IL1RAPL1: variants seen among roughly 807,000 people sequenced by gnomAD.
IL1RAPL1 encodes the protein interleukin 1 receptor accessory protein like 1.
A neutral mutation model predicts 48.4 loss-of-function variants in IL1RAPL1; 3 were observed. The ratio of observed to expected loss-of-function variants is 0.06; its 90% CI spans 0.03 to 0.16. The LOEUF (loss-of-function observed/expected upper bound fraction) is 0.16, where lower values mean the gene tolerates loss of function less well. Among genes scored for constraint, IL1RAPL1 ranks in the 10% least tolerant of loss-of-function variants. IL1RAPL1 has a pLI of 1.00. For synonymous variants in IL1RAPL1, 185 were observed against 187.7 expected, an observed-to-expected ratio of 0.99 and a Z score of 0.12; for missense variants, 349 against 530.6, an observed-to-expected ratio of 0.66 and a Z score of 3.36.
intron 6 of IL1RAPL1, among the ~76,000 whole-genome samples, chrX:29,784,383 T>G (rs940645379): frequency 9.0e-6 from 1 of 111,234 alleles, no homozygotes; most frequent in African/African-American, 3.3e-5. Context: ...TACCTCCCAT[T>G]AGGTGAGTTT....
At chrX:28,691,287 A>G (rs1295414961) in intron 1 of IL1RAPL1, among the ~76,000 whole-genome samples, 1 of 111,344 alleles carries the variant, frequency 9.0e-6, no homozygotes, top group Non-Finnish European at 1.9e-5. Flanking sequence ...TTAAATATAC[A>G]GTTACCATTG....
intron 6 of IL1RAPL1, among the ~76,000 whole-genome samples, chrX:29,843,569 A>G (rs1353830752): frequency 1.8e-5 from 2 of 111,370 alleles, no homozygotes; most frequent in Admixed American, 9.6e-5. Context: ...GTCAGTCCAA[A>G]ATCAGTTTTA....
At chrX:28,997,245 G>A (rs994512011) in intron 2 of IL1RAPL1, among the ~76,000 whole-genome samples, 2 of 111,737 alleles carry the variant, frequency 1.8e-5, no homozygotes, top group African/African-American at 6.5e-5. Flanking sequence ...TAATTTATTG[G>A]ATATGAACTT....
At chrX:29,606,292 G>A (rs6630918) in intron 5 of IL1RAPL1, among the ~76,000 whole-genome samples, 31,898 of 110,678 alleles carry the variant, frequency 0.29, 3,480 homozygotes, top group South Asian at 0.47. Flanking sequence ...GAAAAAAAAT[G>A]TTAAATATTC....
intron 2 of IL1RAPL1, among the ~76,000 whole-genome samples, chrX:29,082,881 T>A (rs1927873618): frequency 8.9e-6 from 1 of 112,100 alleles, no homozygotes; most frequent in Non-Finnish European, 1.9e-5. Flanking sequence ...TCATCACCAC[T>A]TATCTGAGGC....
At chrX:29,365,776 C>T (rs181696484) in intron 3 of IL1RAPL1, among the ~76,000 whole-genome samples, 23 of 110,262 alleles carry the variant, frequency 2.1e-4, no homozygotes, top group Admixed American at 8.7e-4. Context: ...CAGTTTCTCA[C>T]GCCTGTAATC....
intron 2 of IL1RAPL1, among the ~76,000 whole-genome samples, chrX:28,811,735 C>T (rs891299380): frequency 1.8e-5 from 2 of 111,248 alleles, no homozygotes; most frequent in African/African-American, 6.5e-5. Flanking sequence ...GGATGTCAGA[C>T]ATCTCACTGT....
At chrX:29,731,917 T>C (rs1350267592) in intron 6 of IL1RAPL1, among the ~76,000 whole-genome samples, 1 of 112,316 alleles carries the variant, frequency 8.9e-6, no homozygotes, top group Non-Finnish European at 1.9e-5. Flanking sequence ...AAGCAGGACA[T>C]AAATTCCTTT....
At chrX:29,361,157 T>C (rs1933370379) in intron 3 of IL1RAPL1, among the ~76,000 whole-genome samples, 1 of 111,950 alleles carries the variant, frequency 8.9e-6, no homozygotes, top group Admixed American at 9.6e-5. Context: ...TAGCTGGTGT[T>C]GACTGATGCA....
intron 9 of IL1RAPL1, among the ~76,000 whole-genome samples, chrX:29,949,318 A>G (rs951140326): frequency 8.9e-6 from 1 of 112,273 alleles, no homozygotes; most frequent in Admixed American, 9.5e-5. Context: ...CAAAGCTTTT[A>G]GTTAATTCAA....
chrX:28,787,039 A>C (rs1165729706), intron 1 of IL1RAPL1, among the ~76,000 whole-genome samples: 1 of 112,066 alleles, frequency 8.9e-6, no homozygotes, highest in Non-Finnish European at 1.9e-5. Context: ...AATTCTATGG[A>C]TTTCTTTTTG....
intron 9 of IL1RAPL1, among the ~76,000 whole-genome samples, chrX:29,953,327 C>T (rs991909170): frequency 7.2e-5 from 8 of 110,845 alleles, no homozygotes; most frequent in Admixed American, 1.9e-4. Context: ...ATATCTTAGT[C>T]GAAAAAGGAA....
chrX:29,550,565 T>TA (rs1450706884), intron 5 of IL1RAPL1, among the ~76,000 whole-genome samples: 18 of 111,979 alleles, frequency 1.6e-4, no homozygotes, highest in Non-Finnish European at 1.3e-4. Flanking sequence ...TATTCCCAAT[T>TA]AAAAAAATTA....
At chrX:28,674,097 G>C (rs991266583) in intron 1 of IL1RAPL1, among the ~76,000 whole-genome samples, 1 of 111,867 alleles carries the variant, frequency 8.9e-6, no homozygotes, top group Non-Finnish European at 1.9e-5. Flanking sequence ...CAAACAATGC[G>C]ATTGTTTTGT....
At chrX:29,735,722 A>AT (rs951979918) in intron 6 of IL1RAPL1, among the ~76,000 whole-genome samples, 10 of 105,214 alleles carry the variant, frequency 9.5e-5, no homozygotes, top group Non-Finnish European at 1.3e-4. Context: ...TATGTTTGAG[A>AT]TTTTTTTTTT....
chrX:29,371,095 C>A (rs1933537650), intron 3 of IL1RAPL1, among the ~76,000 whole-genome samples: 1 of 104,145 alleles, frequency 9.6e-6, no homozygotes, highest in Admixed American at 1.1e-4. Context: ...TGCAATAGAT[C>A]ACTAGAACTT....
chrX:29,718,850 A>C (rs1927556244), intron 6 of IL1RAPL1, among the ~76,000 whole-genome samples: 2 of 111,560 alleles, frequency 1.8e-5, no homozygotes, highest in South Asian at 3.8e-4. Context: ...AAGGCAGAGG[A>C]GGGGAGAAGT....
intron 3 of IL1RAPL1, among the ~76,000 whole-genome samples, chrX:29,337,436 G>A (rs1405835072): frequency 9.0e-6 from 1 of 111,312 alleles, no homozygotes; most frequent in Non-Finnish European, 1.9e-5. Flanking sequence ...AACTTTAAAT[G>A]AAAATCAGTA....
At chrX:28,878,659 G>A (rs1922432756) in intron 2 of IL1RAPL1, among the ~76,000 whole-genome samples, 1 of 111,792 alleles carries the variant, frequency 8.9e-6, no homozygotes, top group African/African-American at 3.3e-5. Context: ...GCATCTGTGA[G>A]TCTTATCTAA....
Sources: gnomAD v4.1 joint callset for allele counts (sites outside exome capture counted in the v4.1 genomes callset) on GRCh38, gnomAD v4.1.1 for gene constraint, MANE v1.5 for transcripts, NCBI Gene and HGNC (gene_info 2026-07-23, HGNC 2026-07-21) for gene names.